The following ADAMTS6 variants were observed in gnomAD, a reference collection of about 807,000 sequenced individuals.
The protein encoded by ADAMTS6 is ADAM metallopeptidase with thrombospondin type 1 motif 6, also known as A disintegrin and metalloproteinase with thrombospondin motifs 6.
A neutral mutation model predicts 144.3 loss-of-function variants in ADAMTS6; 23 were observed. The observed-to-expected ratio is 0.16, with a 90% CI of 0.11 to 0.23. The LOEUF (loss-of-function observed/expected upper bound fraction) is 0.23, where lower values mean the gene tolerates loss of function less well. Ranked by LOEUF, ADAMTS6 falls within the 10% of genes least tolerant of loss-of-function variation. ADAMTS6 has a pLI of 1.00. For missense variants in ADAMTS6, 999 were observed against 1,379.6 expected (o/e 0.72, Z 4.37); for synonymous variants, 444 against 457.5 (o/e 0.97, Z 0.38).
At position 65,368,410 on chromosome 5, in the gene ADAMTS6, A is replaced by G. The variant is rs1376409559; in HGVS notation, c.1074-34325T>C. On this transcript the variant is annotated intron_variant, in intron 7 of 24. Transcript: ENST00000381055. The stretch of plus-strand genomic sequence containing the variant: ...AAAGTGTCCCTCACTTTGCTTTTCA[A>G]TGCTTTTTTCTGTGCCTTCCTCTAC... Among the ~76,000 whole-genome samples the G allele has an allele frequency of 1.2e-4, 18 of 152,282 alleles. No individual in the cohort carries two copies. The East Asian group carries it at 3.5e-3, about 29-fold the overall frequency.
At chr5:65,238,472 C>T (rs540370299) in intron 15 of ADAMTS6, among the ~76,000 whole-genome samples, 9 of 151,836 alleles carry the variant, frequency 5.9e-5, no homozygotes, top group South Asian at 2.1e-4. Context: ...TGACAGTGTG[C>T]GCCTGTAGTC....
chr5:65,227,049 T>TCATA (rs1757781744), intron 15 of ADAMTS6, among the ~76,000 whole-genome samples: 1 of 152,346 alleles, frequency 6.6e-6, no homozygotes, highest in African/African-American at 2.4e-5. Flanking sequence ...CTTAAGCATA[T>TCATA]CATAGTCTGT....
At chr5:65,290,620 C>G (rs1264404225) in intron 11 of ADAMTS6, among the ~76,000 whole-genome samples, 1 of 152,034 alleles carries the variant, frequency 6.6e-6, no homozygotes, top group African/African-American at 2.4e-5. Flanking sequence ...TTTTGGTAAG[C>G]AATTTGACAT....
rs140414926 is a variant in ADAMTS6, at chr5:65,214,857, T to C, written c.2512A>G (p.Asn838Asp). ...TGATTCCATGTAAAGCCAACTTCAT[T>C]ATCTCCACTGCCAGTTCGAGTGATG... ...VPITRTGSGD[N>D]EVGFTWNHQP... The change falls in exon 20 of 25, where the codon AAT becomes GAT. Residue 838 changes from asparagine (N) to aspartate (D), a missense_variant. Physicochemically the swap from Asn to Asp is conservative, Grantham distance 23. This residue lies in a region of ADAMTS6 where 619 missense variants were observed against 837.0 expected (regional missense o/e 0.74). Coordinates refer to ENST00000381055, the MANE Select transcript of ADAMTS6 (RefSeq NM_197941.4). This position sits in a 1 kb window ranked among gnomAD's most constrained non-coding sequence, Gnocchi z 4.6. 40 of 1,614,168 alleles carry C rather than the reference T, an allele frequency of 2.5e-5. No homozygotes were observed. In the African/African-American group the frequency reaches 4.9e-4, roughly 20 times the overall value.
chr5:65,374,192 C>G (rs1466599864), intron 7 of ADAMTS6, among the ~76,000 whole-genome samples: 1 of 152,160 alleles, frequency 6.6e-6, no homozygotes, highest in African/African-American at 2.4e-5. Context: ...CCTTAGAAAA[C>G]TGGCACAAGA....
chr5:65,282,052 C>T (rs1763029496), intron 11 of ADAMTS6, among the ~76,000 whole-genome samples: 1 of 152,070 alleles, frequency 6.6e-6, no homozygotes, highest in Admixed American at 6.6e-5. Context: ...ATTATTATAT[C>T]ATTAAGGAAA....
intron 19 of ADAMTS6, among the ~76,000 whole-genome samples, 194 bp from the exon 20 acceptor site, chr5:65,215,126 T>C (rs1200431059): frequency 6.6e-6 from 1 of 152,206 alleles, no homozygotes; most frequent in Non-Finnish European, 1.5e-5. Flanking sequence ...ATCTGTCTTG[T>C]TTGGTTATAA....
chr5:65,455,367 C>A (rs1417705508), intron 4 of ADAMTS6, among the ~76,000 whole-genome samples: 4 of 152,082 alleles, frequency 2.6e-5, no homozygotes. Context: ...CATGGTGAAA[C>A]CTTGTCTCTA....
rs1451972342 is a variant in ADAMTS6, at chr5:65,150,108, C to G, written c.*1728G>C. On this transcript the variant is annotated 3_prime_UTR_variant, in exon 25 of 25. Transcript: ENST00000381055. Reference sequence around the variant, plus strand: ...TTCCTTTTGGAAAAAGCCTAGTCATCTGCATTAGATCATGATATATGTGAT... The same window carrying G: ...TTCCTTTTGGAAAAAGCCTAGTCATGTGCATTAGATCATGATATATGTGAT... 1 of 152,262 alleles carries G rather than the reference C, an allele frequency of 6.6e-6. No individual in the cohort carries two copies. The highest frequency in any genetic ancestry group is 2.4e-5 in the African/African-American group (1 of 41,454). The allele number at this position is 152,262 out of a possible 1,614,324, so 9.4% of individuals were successfully genotyped here.
intron 7 of ADAMTS6, among the ~76,000 whole-genome samples, chr5:65,386,055 T>C (rs1752449703): frequency 6.6e-6 from 1 of 152,196 alleles, no homozygotes; most frequent in African/African-American, 2.4e-5. Flanking sequence ...TTTAACAATA[T>C]GGGCTATGTA....
At chr5:65,314,309 A>G (rs1221646554) in intron 9 of ADAMTS6, among the ~76,000 whole-genome samples, 2 of 152,096 alleles carry the variant, frequency 1.3e-5, no homozygotes, top group Admixed American at 1.3e-4. Context: ...ACTGAAATAC[A>G]GAGAGAAAAA....
intron 22 of ADAMTS6, among the ~76,000 whole-genome samples, chr5:65,177,395 C>T (rs1466624979): frequency 2.6e-5 from 4 of 152,192 alleles, no homozygotes; most frequent in African/African-American, 4.8e-5. Flanking sequence ...TTGTTATACC[C>T]TGTGGGGACC....
At chr5:65,208,891 C>T (rs538718971) in intron 20 of ADAMTS6, among the ~76,000 whole-genome samples, 69 of 152,142 alleles carry the variant, frequency 4.5e-4, no homozygotes, top group Non-Finnish European at 8.5e-4. Flanking sequence ...AAGTACAGTT[C>T]CTGAGCCAGT....
intron 8 of ADAMTS6, among the ~76,000 whole-genome samples, chr5:65,330,469 C>T (rs1389465543): frequency 6.6e-6 from 1 of 152,104 alleles, no homozygotes; most frequent in Admixed American, 6.6e-5. Flanking sequence ...AGTCTACTAT[C>T]ATCACCCAAA....
At chr5:65,423,732 T>C (rs1756268806) in intron 7 of ADAMTS6, among the ~76,000 whole-genome samples, 1 of 152,196 alleles carries the variant, frequency 6.6e-6, no homozygotes, top group Non-Finnish European at 1.5e-5. Context: ...CTTGAAGTTA[T>C]ATTCTCTTTT....
At chr5:65,281,276 GAACTGAAA>G (rs1467644300) in intron 11 of ADAMTS6, among the ~76,000 whole-genome samples, 1 of 152,106 alleles carries the variant, frequency 6.6e-6, no homozygotes, top group Non-Finnish European at 1.5e-5. Flanking sequence ...AAATGTATCA[GAACTGAAA>G]AATGTCACTG....
intron 2 of ADAMTS6, among the ~76,000 whole-genome samples, chr5:65,473,042 T>C (rs933367203): frequency 7.2e-5 from 11 of 152,166 alleles, no homozygotes; most frequent in African/African-American, 2.4e-4. Context: ...TTCTACGATA[T>C]AAAGCTCAAT....
At chr5:65,249,850 C>T (rs1489203430) in intron 14 of ADAMTS6, among the ~76,000 whole-genome samples, 9 of 152,224 alleles carry the variant, frequency 5.9e-5, no homozygotes, top group Admixed American at 5.9e-4. Flanking sequence ...CCCTGCAACT[C>T]TCCCTGAGGG....
At chr5:65,209,411 A>G (rs559994376) in intron 20 of ADAMTS6, among the ~76,000 whole-genome samples, 2 of 152,336 alleles carry the variant, frequency 1.3e-5, no homozygotes, top group South Asian at 4.1e-4. Context: ...AGGAAGAGTT[A>G]CAGCAGTATC....
Sources: gnomAD v4.1 joint callset for allele counts (sites outside exome capture counted in the v4.1 genomes callset) on GRCh38, gnomAD v4.1.1 for gene constraint, gnomAD v4.1.1 regional missense constraint, Gnocchi (gnomAD v3.1) non-coding constraint, MANE v1.5 for transcripts, NCBI Gene and HGNC (gene_info 2026-07-23, HGNC 2026-07-21) for gene names.